TNNI3K: variants seen among roughly 807,000 people sequenced by gnomAD.
The protein encoded by TNNI3K is TNNI3 interacting kinase.
Under a neutral mutation model 114.5 loss-of-function variants are expected in TNNI3K, and 140 were observed. The observed-to-expected ratio is 1.22, with a 90% confidence interval of 1.07 to 1.41. The LOEUF is 1.41. Among genes scored for constraint, TNNI3K ranks in the 40% most tolerant of loss-of-function variants. TNNI3K has a pLI of 0.00. For missense variants in TNNI3K, 1,125 were observed against 1,007.6 expected, an observed-to-expected ratio of 1.12 and a Z score of -1.58; for synonymous variants, 347 against 347.5, an observed-to-expected ratio of 1.00 and a Z score of 0.02.
Position 74,478,750 on chromosome 1 carries a change from G to A in TNNI3K, c.2122-10439G>A, listed in dbSNP as rs572888426. 7.2e-5 allele frequency among the ~76,000 whole-genome samples: 11 copies of A among 152,252 alleles called. No individual in the cohort carries two copies. The East Asian group carries it at 1.2e-3, about 16-fold the overall frequency. Reference sequence around the variant, plus strand: ...GAACCCCACCATCTATTGCCTATGCGTGCATCTGTGTGTTTTTATTGGGAT... The same window carrying A: ...GAACCCCACCATCTATTGCCTATGCATGCATCTGTGTGTTTTTATTGGGAT... On this transcript the variant is annotated intron_variant, in intron 21 of 24. Transcript: ENST00000326637.
chr1:74,536,951 A>C (rs992434739), intron 23 of TNNI3K, among the ~76,000 whole-genome samples: 2 of 152,172 alleles, frequency 1.3e-5, no homozygotes, highest in African/African-American at 4.8e-5. Flanking sequence ...CTGGATGCAC[A>C]TGGGTGGAAA....
intron 7 of TNNI3K, among the ~76,000 whole-genome samples, chr1:74,337,700 T>C (rs1161664123): frequency 6.6e-6 from 1 of 152,162 alleles, no homozygotes; most frequent in Non-Finnish European, 1.5e-5. Context: ...CCTTATCTTA[T>C]CTTTCCCTTC....
intron 3 of TNNI3K, 91 bp downstream of exon 3, chr1:74,249,635 AT>A (rs898122760): frequency 1.6e-6 from 2 of 1,257,256 alleles, no homozygotes; most frequent in East Asian, 5.2e-5. Context: ...AAAGAATTCT[AT>A]TCATACTCAA....
At chr1:74,486,507 C>CTT (rs397940623) in intron 21 of TNNI3K, among the ~76,000 whole-genome samples, 1,730 of 137,004 alleles carry the variant, frequency 0.013, 13 homozygotes, top group South Asian at 0.024. Flanking sequence ...TTGTTTTTTG[C>CTT]TTTTTTTTTT....
At chr1:74,506,200 G>A (rs545420026) in intron 23 of TNNI3K, among the ~76,000 whole-genome samples, 8 of 152,300 alleles carry the variant, frequency 5.3e-5, no homozygotes, top group South Asian at 2.1e-4. Context: ...ACATAGAACA[G>A]AAATGTGTAT....
intron 5 of TNNI3K, among the ~76,000 whole-genome samples, chr1:74,290,771 G>C (rs1169675240): frequency 2.0e-5 from 3 of 151,580 alleles, no homozygotes; most frequent in Non-Finnish European, 4.4e-5. Context: ...TTACAGAAGT[G>C]ACTACACAAT....
chr1:74,277,096 T>C (rs1656730130), intron 5 of TNNI3K, among the ~76,000 whole-genome samples: 1 of 152,200 alleles, frequency 6.6e-6, no homozygotes, highest in Non-Finnish European at 1.5e-5. Flanking sequence ...ATGTGAGTCA[T>C]ACGCTTTCCC....
chr1:74,399,731 T>A (rs1258510753), intron 17 of TNNI3K, among the ~76,000 whole-genome samples: 1 of 152,164 alleles, frequency 6.6e-6, no homozygotes, highest in Admixed American at 6.5e-5. Context: ...ATGGGCAGGC[T>A]CTGTTATTGG....
intron 5 of TNNI3K, among the ~76,000 whole-genome samples, chr1:74,278,871 CT>C (rs1408704934): frequency 2.0e-5 from 3 of 152,106 alleles, no homozygotes; most frequent in Admixed American, 6.6e-5. Flanking sequence ...CTTTTTGTGA[CT>C]GGCTTCTTTT....
intron 2 of TNNI3K, chr1:74,239,862 G>A (rs1654077296): frequency 2.2e-6 from 1 of 448,258 alleles, no homozygotes; most frequent in Non-Finnish European, 4.6e-6. Flanking sequence ...TGGAATGGGA[G>A]CTTGATGTGG....
intron 17 of TNNI3K, among the ~76,000 whole-genome samples, chr1:74,432,174 G>A (rs1486264203): frequency 2.0e-5 from 3 of 152,060 alleles, no homozygotes; most frequent in African/African-American, 7.2e-5. Flanking sequence ...GACCTCAAAG[G>A]TAAGGGCTAA....
At chr1:74,338,070 A>G (rs1368715471) in intron 7 of TNNI3K, among the ~76,000 whole-genome samples, 1 of 152,064 alleles carries the variant, frequency 6.6e-6, no homozygotes, top group Admixed American at 6.6e-5. Context: ...AAACACACAT[A>G]TATATATGAG....
intron 5 of TNNI3K, among the ~76,000 whole-genome samples, chr1:74,275,458 G>A (rs1656623851): frequency 6.6e-6 from 1 of 152,000 alleles, no homozygotes; most frequent in South Asian, 2.1e-4. Context: ...GATTATGGGA[G>A]TACAATTCAA....
Position 74,350,815 on chromosome 1 carries a change from C to T in TNNI3K, c.933-2451C>T, listed in dbSNP as rs529546415. Among the ~76,000 whole-genome samples, 572 of 152,130 alleles carry T rather than the reference C, an allele frequency of 3.8e-3. 7 individuals carry two copies. The highest frequency in any genetic ancestry group is 0.013 in the African/African-American group (544 of 41,518). On this transcript the variant is annotated intron_variant, in intron 9 of 24. Coordinates refer to ENST00000326637, the MANE Select transcript of TNNI3K (RefSeq NM_015978.3). ...CCTGCCTTTTTTTGTTTTTCATTTG[C>T]TTGGTAGATCTTCCTCCATCCCTTT...
At chr1:74,351,395 T>C (rs1450602125) in intron 9 of TNNI3K, among the ~76,000 whole-genome samples, 1 of 151,892 alleles carries the variant, frequency 6.6e-6, no homozygotes, top group Non-Finnish European at 1.5e-5. Flanking sequence ...TGGCTGCCCT[T>C]AACATTTTTT....
intron 21 of TNNI3K, among the ~76,000 whole-genome samples, chr1:74,478,169 G>A (rs1035861636): frequency 6.6e-6 from 1 of 152,148 alleles, no homozygotes; most frequent in African/African-American, 2.4e-5. Flanking sequence ...TTCAGAAAGA[G>A]TGGAATCTTA....
intron 2 of TNNI3K, among the ~76,000 whole-genome samples, chr1:74,248,392 A>G (rs1466826264): frequency 7.9e-5 from 12 of 152,142 alleles, no homozygotes; most frequent in Admixed American, 7.9e-4. Context: ...CCTCAAGTGC[A>G]GCCAGAGTTG....
At chr1:74,406,983 G>C (rs1321642948) in intron 17 of TNNI3K, among the ~76,000 whole-genome samples, 1 of 152,110 alleles carries the variant, frequency 6.6e-6, no homozygotes, top group Non-Finnish European at 1.5e-5. Flanking sequence ...TAGTGTCTTT[G>C]GTATCAGTGA....
At chr1:74,486,944 C>A (rs184084437) in intron 21 of TNNI3K, among the ~76,000 whole-genome samples, 6 of 152,118 alleles carry the variant, frequency 3.9e-5, no homozygotes. Context: ...GCAATGAGAT[C>A]TTTGTAACCT....
Sources: allele counts gnomAD v4.1 joint callset (sites outside exome capture counted in the v4.1 genomes callset), GRCh38; gene constraint gnomAD v4.1.1; transcripts MANE v1.5; gene names NCBI Gene and HGNC (gene_info 2026-07-23, HGNC 2026-07-21).